The following CNTNAP2 variants were observed in gnomAD, a reference collection of about 807,000 sequenced individuals.
CNTNAP2 encodes contactin associated protein 2.
In CNTNAP2, 98 loss-of-function variants were observed where a neutral mutation model predicts 155.2. The ratio of observed to expected loss-of-function variants is 0.63; its 90% CI spans 0.54 to 0.75. The LOEUF (loss-of-function observed/expected upper bound fraction) is 0.75. CNTNAP2 is among the 30% of genes least tolerant of loss of function. CNTNAP2 has a pLI of 0.00. For missense variants in CNTNAP2, 1,727 were observed against 1,688.1 expected (o/e 1.02, Z -0.40); for synonymous variants, 651 against 631.2 (o/e 1.03, Z -0.47).
At chr7:146,229,666 T>A (rs944400983) in intron 1 of CNTNAP2, among the ~76,000 whole-genome samples, 3 of 152,142 alleles carry the variant, frequency 2.0e-5, no homozygotes, top group African/African-American at 7.2e-5. Context: ...AATGTATTCA[T>A]CTTTTGGTAG....
At chr7:147,971,449 G>T (rs541940374) in intron 14 of CNTNAP2, among the ~76,000 whole-genome samples, 8 of 151,368 alleles carry the variant, frequency 5.3e-5, no homozygotes, top group African/African-American at 2.0e-4. Flanking sequence ...TACGATTCCC[G>T]GTTACCATGA....
intron 18 of CNTNAP2, among the ~76,000 whole-genome samples, chr7:148,181,256 C>T (rs1010106462): frequency 2.0e-5 from 3 of 152,082 alleles, no homozygotes; most frequent in East Asian, 1.9e-4. Context: ...AATCCCCTCT[C>T]GTATGTCTAT....
chr7:146,776,526 A>T (rs190358315), intron 2 of CNTNAP2, among the ~76,000 whole-genome samples: 120 of 152,294 alleles, frequency 7.9e-4, no homozygotes, highest in African/African-American at 2.7e-3. Context: ...TGTAGGAGCT[A>T]TAGTTGTAGG....
chr7:148,177,777 A>G (rs903226995), intron 18 of CNTNAP2, among the ~76,000 whole-genome samples: 10 of 152,352 alleles, frequency 6.6e-5, no homozygotes, highest in Admixed American at 1.3e-4. Flanking sequence ...TAGCAACTAA[A>G]AGCATAGCCT....
chr7:148,305,466 G>A (rs1174251552), intron 21 of CNTNAP2, among the ~76,000 whole-genome samples: 2 of 151,962 alleles, frequency 1.3e-5, no homozygotes, highest in African/African-American at 4.8e-5. Context: ...ATAGGCCTTG[G>A]GCATCTGTAT....
chr7:147,642,750 A>C (rs1795300746), intron 13 of CNTNAP2, among the ~76,000 whole-genome samples: 3 of 152,186 alleles, frequency 2.0e-5, no homozygotes, highest in Non-Finnish European at 2.9e-5. Context: ...AGACATCTAG[A>C]CACTGGGTTT....
At chr7:146,641,898 A>G (rs983577784) in intron 1 of CNTNAP2, among the ~76,000 whole-genome samples, 3 of 152,178 alleles carry the variant, frequency 2.0e-5, no homozygotes, top group African/African-American at 7.2e-5. Flanking sequence ...AATTGTGAAG[A>G]CAAAAATTGT....
chr7:146,774,494 A>C (rs529311609), intron 2 of CNTNAP2, 113 bp downstream of exon 2: 12 of 719,530 alleles, frequency 1.7e-5, no homozygotes, highest in South Asian at 3.1e-5. Context: ...ACCAGAAATC[A>C]CTCCTGCCAC....
chr7:147,091,766 C>T (rs539433073), intron 4 of CNTNAP2, among the ~76,000 whole-genome samples: 17 of 152,174 alleles, frequency 1.1e-4, no homozygotes, highest in Admixed American at 2.6e-4. Flanking sequence ...CCATCATGCC[C>T]GGCTATTTTT....
Position 146,721,952 on chromosome 7 carries a change from G to C in CNTNAP2, c.98-52319G>C, listed in dbSNP as rs1174785356. ...AGCCCAGGCTGGAGTGCAGTGGCAC[G>C]ACTTCAGCTCACTGCAACCTCCACC... On this transcript the variant is annotated intron_variant, in intron 1 of 23. Transcript: ENST00000361727. Among the ~76,000 whole-genome samples the C allele has an allele frequency of 1.4e-5, 2 of 140,708 alleles. 1 individual carries two copies. The highest frequency in any genetic ancestry group is 3.0e-5 in the Non-Finnish European group (2 of 66,612). The allele number at this position is 140,708 out of a possible 152,430, so 92.3% of individuals were successfully genotyped here. A position where few individuals can be genotyped will look rare whatever the true frequency, so the allele number is the denominator to read the frequency against.
chr7:146,877,330 C>G (rs1000501186), intron 3 of CNTNAP2, among the ~76,000 whole-genome samples: 1 of 151,718 alleles, frequency 6.6e-6, no homozygotes, highest in Non-Finnish European at 1.5e-5. Context: ...AGTGAGACCC[C>G]CCCATCTCTA....
At chr7:147,026,423 T>G (rs1798920208) in intron 3 of CNTNAP2, among the ~76,000 whole-genome samples, 1 of 152,178 alleles carries the variant, frequency 6.6e-6, no homozygotes, top group African/African-American at 2.4e-5. Context: ...ATGAAAAACA[T>G]GAATGACATA....
intron 1 of CNTNAP2, among the ~76,000 whole-genome samples, chr7:146,422,212 CT>C (rs558446788): frequency 8.5e-4 from 128 of 150,886 alleles, no homozygotes; most frequent in African/African-American, 3.1e-3. Flanking sequence ...TACATTGTAC[CT>C]ATGGAGGTTA....
chr7:146,285,057 T>A (rs906049740), intron 1 of CNTNAP2, among the ~76,000 whole-genome samples: 1 of 152,192 alleles, frequency 6.6e-6, no homozygotes, highest in Admixed American at 6.5e-5. Flanking sequence ...GCTGTAGATA[T>A]TTCTTGGACA....
At chr7:146,470,359 A>G (rs1363218981) in intron 1 of CNTNAP2, among the ~76,000 whole-genome samples, 1 of 152,204 alleles carries the variant, frequency 6.6e-6, no homozygotes, top group Non-Finnish European at 1.5e-5. Flanking sequence ...GAGATAATAA[A>G]TAAACATCAT....
chr7:147,564,023 T>C (rs976674764), intron 12 of CNTNAP2, among the ~76,000 whole-genome samples: 1 of 152,104 alleles, frequency 6.6e-6, no homozygotes, highest in Non-Finnish European at 1.5e-5. Context: ...GGCAACATAG[T>C]GAGACCACAT....
intron 1 of CNTNAP2, among the ~76,000 whole-genome samples, chr7:146,705,253 C>G (rs904443803): frequency 4.2e-4 from 64 of 152,080 alleles, no homozygotes; most frequent in Admixed American, 2.4e-3. Flanking sequence ...ATCACAAAAC[C>G]CGTAAACTGG....
intron 13 of CNTNAP2, among the ~76,000 whole-genome samples, chr7:147,891,682 C>G (rs1355632524): frequency 6.6e-6 from 1 of 151,860 alleles, no homozygotes; most frequent in East Asian, 1.9e-4. Context: ...ACAACATCTA[C>G]CTGGAATATA....
chr7:147,350,693 C>A (rs1009194285), intron 9 of CNTNAP2, among the ~76,000 whole-genome samples: 1 of 151,738 alleles, frequency 6.6e-6, no homozygotes, highest in Non-Finnish European at 1.5e-5. Context: ...ATAAAATATG[C>A]ATTCAGTAGA....
Sources: gnomAD v4.1 joint callset for allele counts (sites outside exome capture counted in the v4.1 genomes callset) on GRCh38, gnomAD v4.1.1 for gene constraint, MANE v1.5 for transcripts, NCBI Gene and HGNC (gene_info 2026-07-23, HGNC 2026-07-21) for gene names.